Variants in NKAIN2 observed in about 807,000 individuals in gnomAD.
The protein encoded by NKAIN2 is sodium/potassium transporting ATPase interacting 2.
Under a neutral mutation model 32.6 loss-of-function variants are expected in NKAIN2, and 14 were observed. The observed-to-expected ratio is 0.43, with a 90% CI of 0.28 to 0.67. The LOEUF (loss-of-function observed/expected upper bound fraction) is 0.67, where lower values mean the gene tolerates loss of function less well. Among genes scored for constraint, NKAIN2 ranks in the 30% least tolerant of loss-of-function variants. The pLI is 0.17. For synonymous variants in NKAIN2, 80 were observed against 87.2 expected (o/e 0.92, Z 0.46); for missense variants, 198 against 258.3 (o/e 0.77, Z 1.60).
chr6:124,502,851 CTCTT>C (rs529521365), intron 3 of NKAIN2, among the ~76,000 whole-genome samples: 1 of 152,142 alleles, frequency 6.6e-6, no homozygotes, highest in African/African-American at 2.4e-5. Context: ...TGTGTCATCA[CTCTT>C]TCTATGATTT....
chr6:124,573,055 G>C (rs186670240), intron 3 of NKAIN2, among the ~76,000 whole-genome samples: 1 of 152,062 alleles, frequency 6.6e-6, no homozygotes, highest in East Asian at 1.9e-4. Flanking sequence ...GGCCAAGCTG[G>C]TCTCAAACTC....
intron 1 of NKAIN2, among the ~76,000 whole-genome samples, chr6:124,129,472 A>C (rs1786345851): frequency 6.6e-6 from 1 of 152,184 alleles, no homozygotes; most frequent in Non-Finnish European, 1.5e-5. Flanking sequence ...TCATTTTTTC[A>C]CAAAGGACAT....
chr6:124,805,357 C>T (rs1166477722), intron 5 of NKAIN2, among the ~76,000 whole-genome samples: 1 of 152,200 alleles, frequency 6.6e-6, no homozygotes, highest in Non-Finnish European at 1.5e-5. Context: ...TCTGCAGACA[C>T]CGCTGCTGAC....
At chr6:124,547,333 A>G (rs553035241) in intron 3 of NKAIN2, among the ~76,000 whole-genome samples, 2 of 152,288 alleles carry the variant, frequency 1.3e-5, no homozygotes, top group South Asian at 4.1e-4. Flanking sequence ...AGTAAAATAG[A>G]AAGAGCATTC....
intron 3 of NKAIN2, among the ~76,000 whole-genome samples, chr6:124,653,100 A>G (rs1488870137): frequency 6.6e-6 from 1 of 152,200 alleles, no homozygotes; most frequent in Non-Finnish European, 1.5e-5. Flanking sequence ...TGATCGATAG[A>G]TTCATCACAA....
chr6:124,816,884 C>G (rs1781191163), intron 5 of NKAIN2, among the ~76,000 whole-genome samples: 1 of 152,098 alleles, frequency 6.6e-6, no homozygotes, highest in Non-Finnish European at 1.5e-5. Context: ...TCTTTATTCA[C>G]AAATGAAAAA....
At chr6:124,712,635 T>A (rs1222588918) in intron 4 of NKAIN2, among the ~76,000 whole-genome samples, 1 of 150,862 alleles carries the variant, frequency 6.6e-6, no homozygotes, top group Admixed American at 6.6e-5. Flanking sequence ...CCCTGACCCC[T>A]TGCGCTTCCC....
chr6:124,572,896 T>G (rs548317620), intron 3 of NKAIN2, among the ~76,000 whole-genome samples: 114 of 152,194 alleles, frequency 7.5e-4, no homozygotes, highest in African/African-American at 1.9e-3. Flanking sequence ...GCTGGAGTGC[T>G]GGGGGTGATC....
intron 1 of NKAIN2, among the ~76,000 whole-genome samples, chr6:124,139,691 TCTC>T (rs751005002): frequency 3.9e-4 from 59 of 152,280 alleles, no homozygotes; most frequent in Non-Finnish European, 6.9e-4. Context: ...ATTAAAATAT[TCTC>T]CTATAAGATT....
At chr6:124,759,068 C>T (rs1174222011) in intron 4 of NKAIN2, among the ~76,000 whole-genome samples, 2 of 152,072 alleles carry the variant, frequency 1.3e-5, no homozygotes, top group African/African-American at 4.8e-5. Context: ...ATGTATTGTA[C>T]TTTGTATCAT....
chr6:124,233,611 A>G (rs1792578369), intron 1 of NKAIN2, among the ~76,000 whole-genome samples: 1 of 152,184 alleles, frequency 6.6e-6, no homozygotes, highest in Non-Finnish European at 1.5e-5. Context: ...GTGCCCACAT[A>G]AGGCATCTTG....
intron 3 of NKAIN2, among the ~76,000 whole-genome samples, chr6:124,644,647 G>T (rs1490199162): frequency 6.6e-6 from 1 of 152,154 alleles, no homozygotes; most frequent in East Asian, 1.9e-4. Context: ...CTTGTGATCC[G>T]CCTGCCTCGG....
chr6:124,545,716 T>C lies in NKAIN2; in HGVS notation c.274-112470T>C, dbSNP rs913283100. Among the ~76,000 whole-genome samples, 5 of 151,976 alleles carry C rather than the reference T, an allele frequency of 3.3e-5. No homozygotes were observed. The East Asian group carries it at 9.6e-4, about 29-fold the overall frequency. On this transcript the variant is annotated intron_variant, in intron 3 of 6. Transcript: ENST00000368417. Reference sequence around the variant, plus strand: ...CTTGCCTTTGTGTGCACCCATGAAATGCTAACTACTTTACTTGATGACACC... The same window carrying C: ...CTTGCCTTTGTGTGCACCCATGAAACGCTAACTACTTTACTTGATGACACC...
At chr6:123,818,354 AACACACACACACAC>A (rs36066775) in intron 1 of NKAIN2, among the ~76,000 whole-genome samples, 2,755 of 144,614 alleles carry the variant, frequency 0.019, 94 homozygotes, top group African/African-American at 0.059. Flanking sequence ...TTCTTGTGGA[AACACACACACACAC>A]ACACACACAC....
At chr6:124,275,059 C>T (rs1181915013) in intron 1 of NKAIN2, among the ~76,000 whole-genome samples, 7 of 151,930 alleles carry the variant, frequency 4.6e-5, no homozygotes, top group Non-Finnish European at 1.0e-4. Flanking sequence ...TTTTTTAAAC[C>T]TCATATAATA....
chr6:124,401,387 A>C (rs1773619959), intron 3 of NKAIN2, among the ~76,000 whole-genome samples: 1 of 152,124 alleles, frequency 6.6e-6, no homozygotes, highest in African/African-American at 2.4e-5. Context: ...CCAGCCTGCC[A>C]CTGATATTTA....
chr6:124,038,347 TG>T (rs1195696381), intron 1 of NKAIN2, among the ~76,000 whole-genome samples: 1 of 151,966 alleles, frequency 6.6e-6, no homozygotes, highest in African/African-American at 2.4e-5. Context: ...CCTGCGTATC[TG>T]GGATTACAGA....
intron 1 of NKAIN2, among the ~76,000 whole-genome samples, chr6:124,258,869 G>T (rs1472148349): frequency 3.3e-5 from 5 of 152,154 alleles, no homozygotes; most frequent in Non-Finnish European, 5.9e-5. Context: ...CTATAGTCTT[G>T]TCATGGTTCC....
intron 1 of NKAIN2, among the ~76,000 whole-genome samples, chr6:124,112,512 G>T (rs1022072714): frequency 1.2e-4 from 18 of 152,108 alleles, no homozygotes; most frequent in African/African-American, 4.3e-4. Flanking sequence ...TTTGACTTTT[G>T]ATAATTTGAT....
Sources: allele counts gnomAD v4.1 joint callset (sites outside exome capture counted in the v4.1 genomes callset), GRCh38; gene constraint gnomAD v4.1.1; transcripts MANE v1.5; gene names NCBI Gene and HGNC (gene_info 2026-07-23, HGNC 2026-07-21).